CDKAL1: variants seen among roughly 807,000 people sequenced by gnomAD.
CDKAL1 encodes threonylcarbamoyladenosine tRNA methylthiotransferase.
A neutral mutation model predicts 68.2 loss-of-function variants in CDKAL1; 32 were observed. That is an observed-to-expected ratio of 0.47 (90% CI 0.35 to 0.63). The LOEUF (loss-of-function observed/expected upper bound fraction) is 0.63. Ranked by LOEUF, CDKAL1 falls within the 30% of genes least tolerant of loss-of-function variation. The pLI, the probability that CDKAL1 is intolerant of heterozygous loss-of-function variation, is 0.00. For synonymous variants in CDKAL1, 234 were observed against 244.3 expected (o/e 0.96, Z 0.39); for missense variants, 606 against 696.7 (o/e 0.87, Z 1.47).
intron 8 of CDKAL1, among the ~76,000 whole-genome samples, chr6:20,806,816 C>T (rs987105739): frequency 2.3e-4 from 35 of 152,076 alleles, no homozygotes; most frequent in Non-Finnish European, 2.2e-4. Flanking sequence ...CAACTACAAG[C>T]GAGGATATTT....
chr6:20,971,702 G>A (rs1438270121), intron 10 of CDKAL1, among the ~76,000 whole-genome samples: 1 of 152,126 alleles, frequency 6.6e-6, no homozygotes, highest in African/African-American at 2.4e-5. Context: ...TACAGAAGTA[G>A]AAGATTTAAA....
At chr6:20,690,742 C>T (rs1419125053) in intron 5 of CDKAL1, among the ~76,000 whole-genome samples, 1 of 151,722 alleles carries the variant, frequency 6.6e-6, no homozygotes, top group Non-Finnish European at 1.5e-5. Flanking sequence ...TAAGAATTAG[C>T]TATAAGGGAA....
intron 2 of CDKAL1, among the ~76,000 whole-genome samples, chr6:20,543,406 T>G (rs530251849): frequency 6.6e-6 from 1 of 152,342 alleles, no homozygotes; most frequent in South Asian, 2.1e-4. Context: ...TTTCCATTTC[T>G]GTGCTTATTT....
chr6:21,225,236 C>T (rs757499225), intron 15 of CDKAL1, among the ~76,000 whole-genome samples: 4 of 152,070 alleles, frequency 2.6e-5, no homozygotes, highest in Non-Finnish European at 4.4e-5. Flanking sequence ...CAAGTCCTGT[C>T]TTAGTTGAGG....
chr6:20,613,275 T>C (rs1561966831), intron 4 of CDKAL1, among the ~76,000 whole-genome samples: 3 of 70,560 alleles, frequency 4.3e-5, no homozygotes, highest in African/African-American at 1.3e-4. Flanking sequence ...TTTTTTTTTT[T>C]TTTTTTTTTT....
intron 4 of CDKAL1, among the ~76,000 whole-genome samples, chr6:20,557,434 T>C (rs544687436): frequency 6.6e-6 from 1 of 152,308 alleles, no homozygotes; most frequent in Non-Finnish European, 1.5e-5. Context: ...CATAGAATTA[T>C]ATACAGAGAA....
chr6:21,203,099 G>C (rs1415978016), intron 15 of CDKAL1, among the ~76,000 whole-genome samples: 1 of 152,034 alleles, frequency 6.6e-6, no homozygotes, highest in African/African-American at 2.4e-5. Flanking sequence ...ACCCAGGCTG[G>C]AGTGCAATGG....
intron 4 of CDKAL1, among the ~76,000 whole-genome samples, chr6:20,590,441 G>A (rs1765544736): frequency 6.6e-6 from 1 of 152,030 alleles, no homozygotes; most frequent in South Asian, 2.1e-4. Flanking sequence ...ACGTGCCACG[G>A]TGGTTTGCTG....
Position 20,608,385 on chromosome 6 carries a change from T to C in CDKAL1, c.287-40908T>C, listed in dbSNP as rs138929152. 2.5e-3 allele frequency among the ~76,000 whole-genome samples: 380 copies of C among 152,322 alleles called. 1 individual carries two copies. The highest frequency in any genetic ancestry group is 8.8e-3 in the African/African-American group (365 of 41,576). On this transcript the variant is annotated intron_variant, in intron 4 of 15. Transcript: ENST00000274695. ...CTTTTTAGTACTTTTTAGGTTTCTTTCCAGTTCTAAGTGAGTGTGACTTTG... is the reference window on the plus strand; with the variant it reads ...CTTTTTAGTACTTTTTAGGTTTCTTCCCAGTTCTAAGTGAGTGTGACTTTG...
At chr6:21,039,624 C>G (rs1360998108) in intron 11 of CDKAL1, among the ~76,000 whole-genome samples, 2 of 152,068 alleles carry the variant, frequency 1.3e-5, no homozygotes, top group Non-Finnish European at 2.9e-5. Flanking sequence ...TGTTTATTTC[C>G]TCACTAAACA....
chr6:21,220,501 G>A (rs528637366), intron 15 of CDKAL1, among the ~76,000 whole-genome samples: 1 of 152,298 alleles, frequency 6.6e-6, no homozygotes, highest in South Asian at 2.1e-4. Flanking sequence ...CTTACTTTGT[G>A]GAATTGGAGA....
At chr6:20,741,267 A>T (rs770183949) in intron 6 of CDKAL1, among the ~76,000 whole-genome samples, 4 of 150,930 alleles carry the variant, frequency 2.7e-5, no homozygotes, top group South Asian at 4.2e-4. Flanking sequence ...GCAGATAAAC[A>T]TTTTTTTTTC....
At chr6:20,610,904 G>C (rs1766589729) in intron 4 of CDKAL1, among the ~76,000 whole-genome samples, 1 of 152,020 alleles carries the variant, frequency 6.6e-6, no homozygotes, top group Non-Finnish European at 1.5e-5. Flanking sequence ...CTTGAACTTG[G>C]GCTCATGTGA....
rs538874404 is a variant in CDKAL1, at chr6:21,117,310, T to C, written c.1299+8847T>C. Among the ~76,000 whole-genome samples, 42 of 151,328 alleles carry C rather than the reference T, an allele frequency of 2.8e-4. No homozygotes were observed. In the South Asian group the frequency reaches 8.4e-3, roughly 30 times the overall value. On this transcript the variant is annotated intron_variant, in intron 13 of 15. Coordinates refer to ENST00000274695, the MANE Select transcript of CDKAL1 (RefSeq NM_017774.3). Reference sequence around the variant, plus strand: ...ATTGTTTTTTTTTTTTTTTAGAATGTGCCATGCAATATGTGGGACATATTT... The same window carrying C: ...ATTGTTTTTTTTTTTTTTTAGAATGCGCCATGCAATATGTGGGACATATTT...
chr6:21,070,107 C>A (rs1021111114), intron 12 of CDKAL1, among the ~76,000 whole-genome samples: 1 of 147,758 alleles, frequency 6.8e-6, no homozygotes, highest in African/African-American at 2.4e-5. Context: ...TCCTCCTCAC[C>A]CCCAGGTTAC....
intron 13 of CDKAL1, among the ~76,000 whole-genome samples, chr6:21,188,296 T>C (rs191701404): frequency 1.3e-5 from 2 of 152,348 alleles, no homozygotes; most frequent in East Asian, 3.9e-4. Context: ...ACACGTTACA[T>C]GTCTAATAAT....
rs946907740 is a variant in CDKAL1 at position 20,674,926 on chromosome 6, G to A, written c.371+25549G>A. ...ACTTCCTCTTAGAGTTTTATCAGGT[G>A]TGAGTGGGGAGTTTTGTTGAAAGCA... On this transcript the variant is annotated intron_variant, in intron 5 of 15. Coordinates refer to ENST00000274695, the MANE Select transcript of CDKAL1 (RefSeq NM_017774.3). Among the ~76,000 whole-genome samples, 14 of 152,304 alleles carry A rather than the reference G, an allele frequency of 9.2e-5. No homozygotes were observed. In the East Asian group the frequency reaches 1.5e-3, roughly 17 times the overall value.
chr6:21,204,946 A>G (rs1362019760), intron 15 of CDKAL1, among the ~76,000 whole-genome samples: 1 of 151,870 alleles, frequency 6.6e-6, no homozygotes, highest in Non-Finnish European at 1.5e-5. Context: ...ATAACTCCTC[A>G]TTTCCCCCTT....
chr6:20,576,901 G>T (rs1764937413), intron 4 of CDKAL1, among the ~76,000 whole-genome samples: 1 of 152,060 alleles, frequency 6.6e-6, no homozygotes. Context: ...TTCTCTATAT[G>T]GCACAGGTAT....
Sources: allele counts gnomAD v4.1 joint callset (sites outside exome capture counted in the v4.1 genomes callset), GRCh38; gene constraint gnomAD v4.1.1; transcripts MANE v1.5; gene names NCBI Gene and HGNC (gene_info 2026-07-23, HGNC 2026-07-21).